CAMTA1: variants seen among roughly 807,000 people sequenced by gnomAD.
The protein encoded by CAMTA1 is calmodulin binding transcription activator 1, also known as calmodulin-binding transcription activator 1.
In CAMTA1, 27 loss-of-function variants were observed where a neutral mutation model predicts 170.9. That is an observed-to-expected ratio of 0.16 (90% CI 0.12 to 0.22). CAMTA1 has a LOEUF of 0.22. Among genes scored for constraint, CAMTA1 ranks in the 10% least tolerant of loss-of-function variants. The pLI, the probability that CAMTA1 is intolerant of heterozygous loss-of-function variation, is 1.00. For synonymous variants in CAMTA1, 833 were observed against 891.5 expected (o/e 0.93, Z 1.17); for missense variants, 1,619 against 2,217.2 (o/e 0.73, Z 5.42).
chr1:7,387,286 C>G (rs893117061), intron 5 of CAMTA1, among the ~76,000 whole-genome samples: 1 of 152,174 alleles, frequency 6.6e-6, no homozygotes, highest in African/African-American at 2.4e-5. Flanking sequence ...ATTTCCACCA[C>G]CCAGTGACTG....
intron 5 of CAMTA1, among the ~76,000 whole-genome samples, chr1:7,289,475 G>T (rs1439345658): frequency 6.6e-6 from 1 of 152,134 alleles, no homozygotes; most frequent in African/African-American, 2.4e-5. Flanking sequence ...AGGAACAGGG[G>T]CTCCATTTCC....
chr1:7,736,324 C>T lies in CAMTA1; in HGVS notation c.3067-20C>T, dbSNP rs201519008. On this transcript the variant is annotated intron_variant, in intron 12 of 22. Coordinates refer to ENST00000303635, the MANE Select transcript of CAMTA1 (RefSeq NM_015215.4). The surrounding 1 kb of genome is among the most constrained non-coding windows in gnomAD (Gnocchi z 4.5). The stretch of plus-strand genomic sequence containing the variant: ...AGGGCCTTTAGTCCTGAGGTCGTAA[C>T]GTGCGCTTTTTTGTGACAGTGTGCT... The T allele has an allele frequency of 3.5e-4, 571 of 1,610,332 alleles. No homozygotes were observed. The highest frequency in any genetic ancestry group is 4.6e-4 in the Non-Finnish European group (542 of 1,177,970).
chr1:6,876,369 T>A (rs574481241), intron 3 of CAMTA1, among the ~76,000 whole-genome samples: 79 of 152,008 alleles, frequency 5.2e-4, no homozygotes, highest in African/African-American at 1.3e-3. Context: ...TAATTAATTT[T>A]TTTTTTTTTG....
In CAMTA1 at chr1:7,198,782, C is replaced by T. The variant is rs140426147; in HGVS notation, c.303-50709C>T. Among the ~76,000 whole-genome samples, 1,231 of 152,228 alleles carry T rather than the reference C, an allele frequency of 8.1e-3. 11 individuals are homozygous for T. The highest frequency in any genetic ancestry group is 0.02 in the Middle Eastern group (6 of 294). ...TCCTTCCTGGCCAGATCTTCCCTGA[C>T]CCTGGCCCTCTGGTTTGGGACAGAT... On this transcript the variant is annotated intron_variant, in intron 4 of 22. Transcript: ENST00000303635.
chr1:7,672,101 G>T (rs570793443), intron 10 of CAMTA1: 4 of 455,800 alleles, frequency 8.8e-6, no homozygotes, highest in African/African-American at 4.0e-5. Context: ...TAAACAGGAG[G>T]GGGGTAAGGA....
intron 3 of CAMTA1, among the ~76,000 whole-genome samples, chr1:6,844,690 CAAAAAAAA>C (rs1180942073): frequency 7.7e-5 from 4 of 52,064 alleles, no homozygotes; most frequent in South Asian, 1.5e-3. Context: ...ACCCTGTGTC[CAAAAAAAA>C]AAAAAAAAAA....
intron 3 of CAMTA1, among the ~76,000 whole-genome samples, chr1:6,859,908 C>T (rs2148887398): frequency 6.6e-6 from 1 of 152,316 alleles, no homozygotes; most frequent in South Asian, 2.1e-4. Flanking sequence ...TCTTTTAAAT[C>T]CTTTCTCAGC....
Position 7,681,097 on chromosome 1 carries a change from T to C in CAMTA1, c.2914+3364T>C, listed in dbSNP as rs1370590773. On this transcript the variant is annotated intron_variant, in intron 11 of 22. Transcript: ENST00000303635. This position sits in a 1 kb window ranked among gnomAD's most constrained non-coding sequence, Gnocchi z 4.6. The stretch of plus-strand genomic sequence containing the variant: ...GGTGGGAGGAGGAATCGCAGCCTTC[T>C]GGATCCCGGAGCTGCAGCGCCTCCC... Among the ~76,000 whole-genome samples the C allele has an allele frequency of 1.3e-5, 2 of 152,154 alleles. No homozygotes were observed. The highest frequency in any genetic ancestry group is 4.8e-5 in the African/African-American group (2 of 41,444).
Position 7,664,298 on chromosome 1 carries a change from T to C in CAMTA1, c.1751T>C (p.Met584Thr). ...AGTCCCAGCACCACCCTGGAGCAGATGGACTTCAGCGCCATCGACTCCAAC... is the reference window on the plus strand; with the variant it reads ...AGTCCCAGCACCACCCTGGAGCAGACGGACTTCAGCGCCATCGACTCCAAC... ...GLSPSTTLEQ[M>T]DFSAIDSNKD... Residue 584 changes from methionine (M) to threonine (T), a missense_variant, in exon 9 of 23, where the codon ATG becomes ACG. Transcript: ENST00000303635. 1 of 1,613,112 alleles carries C rather than the reference T, an allele frequency of 6.2e-7. No individual in the cohort carries two copies.
At chr1:6,993,104 G>A (rs1696652442) in intron 3 of CAMTA1, among the ~76,000 whole-genome samples, 1 of 152,132 alleles carries the variant, frequency 6.6e-6, no homozygotes, top group Non-Finnish European at 1.5e-5. Context: ...CCTTATACCA[G>A]TACCTCACTG....
At chr1:7,282,855 C>T (rs2149463209) in intron 5 of CAMTA1, among the ~76,000 whole-genome samples, 1 of 152,256 alleles carries the variant, frequency 6.6e-6, no homozygotes, top group Non-Finnish European at 1.5e-5. Flanking sequence ...AGGAAAGCTG[C>T]AGTCCTAACA....
At chr1:7,359,479 G>A (rs2085377276) in intron 5 of CAMTA1, among the ~76,000 whole-genome samples, 1 of 152,156 alleles carries the variant, frequency 6.6e-6, no homozygotes, top group Non-Finnish European at 1.5e-5. Flanking sequence ...GAGGACTCAG[G>A]CAGCCCATCC....
chr1:7,351,295 C>A (rs2084652238), intron 5 of CAMTA1, among the ~76,000 whole-genome samples: 1 of 152,250 alleles, frequency 6.6e-6, no homozygotes, highest in South Asian at 2.1e-4. Flanking sequence ...CTTAGTGACG[C>A]CACGCACTCA....
intron 3 of CAMTA1, among the ~76,000 whole-genome samples, chr1:6,835,217 G>A (rs577752948): frequency 6.6e-6 from 1 of 152,298 alleles, no homozygotes; most frequent in South Asian, 2.1e-4. Context: ...AAATGTTAAG[G>A]TGCAAATGAG....
At chr1:7,678,693 C>T (rs1383778004) in intron 11 of CAMTA1, among the ~76,000 whole-genome samples, 1 of 152,192 alleles carries the variant, frequency 6.6e-6, no homozygotes, top group African/African-American at 2.4e-5. Context: ...CAGGTGAGCC[C>T]ACAGAGGTGA....
chr1:7,141,322 C>T (rs988549243), intron 4 of CAMTA1, among the ~76,000 whole-genome samples: 7 of 152,190 alleles, frequency 4.6e-5, no homozygotes, highest in Admixed American at 2.6e-4. Context: ...TCCTGTCCCC[C>T]AAACACCTTT....
chr1:6,847,894 G>A (rs866999361), intron 3 of CAMTA1, among the ~76,000 whole-genome samples: 3 of 146,064 alleles, frequency 2.1e-5, no homozygotes, highest in Admixed American at 6.9e-5. Context: ...TGTATTTTTA[G>A]TAGAGACGGG....
chr1:7,708,525 G>A lies in CAMTA1; in HGVS notation c.2915-23923G>A, dbSNP rs74608370. On this transcript the variant is annotated intron_variant, in intron 11 of 22. Transcript: ENST00000303635. ...AAAAGAAAAAGACAGTGGAGGGGGA[G>A]AATGCCAGTATGATCTTGTGTAATG... 4.6e-3 allele frequency among the ~76,000 whole-genome samples: 693 copies of A among 152,298 alleles called. 2 individuals are homozygous for A. Among genetic ancestry groups the A allele is most frequent in the African/African-American group, 0.016 (659 of 41,572 alleles).
Position 7,426,550 on chromosome 1 carries a change from G to A in CAMTA1, c.439-41280G>A, listed in dbSNP as rs1360270690. Among the ~76,000 whole-genome samples the A allele has an allele frequency of 2.0e-5, 3 of 152,168 alleles. No individual in the cohort carries two copies. The highest frequency in any genetic ancestry group is 2.9e-5 in the Non-Finnish European group (2 of 68,038). On this transcript the variant is annotated intron_variant, in intron 5 of 22. Transcript: ENST00000303635. The surrounding 1 kb of genome is among the most constrained non-coding windows in gnomAD (Gnocchi z 4.8). ...GCAAGGCCTGATTTACATGGAGATC[G>A]TTTAAAAGATTAACTTTAGTGAAAG...
Sources: gnomAD v4.1 joint callset for allele counts (sites outside exome capture counted in the v4.1 genomes callset) on GRCh38, gnomAD v4.1.1 for gene constraint, Gnocchi (gnomAD v3.1) non-coding constraint, MANE v1.5 for transcripts, NCBI Gene and HGNC (gene_info 2026-07-23, HGNC 2026-07-21) for gene names.